Variants in SH3RF3 observed in about 807,000 individuals in gnomAD.
The protein encoded by SH3RF3 is SH3 domain containing ring finger 3.
A neutral mutation model predicts 66.3 loss-of-function variants in SH3RF3; 29 were observed. The ratio of observed to expected loss-of-function variants is 0.44; its 90% confidence interval spans 0.33 to 0.60. The LOEUF (loss-of-function observed/expected upper bound fraction) is 0.60, where lower values mean the gene tolerates loss of function less well. Among genes scored for constraint, SH3RF3 ranks in the 20% least tolerant of loss-of-function variants. SH3RF3 has a pLI of 0.04. For missense variants in SH3RF3, 1,194 were observed against 1,190.9 expected (o/e 1.00, Z -0.04); for synonymous variants, 583 against 532.0 (o/e 1.10, Z -1.32).
At chr2:109,196,685 G>C (rs1317041218) in intron 1 of SH3RF3, among the ~76,000 whole-genome samples, 1 of 152,174 alleles carries the variant, frequency 6.6e-6, no homozygotes, top group African/African-American at 2.4e-5. Context: ...TGAGGGGCTG[G>C]CTCTGTGAAT....
At chr2:109,411,166 C>T (rs981092025) in intron 4 of SH3RF3, among the ~76,000 whole-genome samples, 3 of 152,208 alleles carry the variant, frequency 2.0e-5, no homozygotes, top group Admixed American at 6.5e-5. Context: ...CAGCAACTCT[C>T]AACCTCGTTA....
At chr2:109,272,523 C>T (rs537195872) in intron 1 of SH3RF3, among the ~76,000 whole-genome samples, 11 of 152,172 alleles carry the variant, frequency 7.2e-5, no homozygotes, top group East Asian at 1.9e-4. Flanking sequence ...TCACAGGGGC[C>T]GAGTAGGGTG....
chr2:109,230,926 A>G (rs1189942500), intron 1 of SH3RF3, among the ~76,000 whole-genome samples: 2 of 152,244 alleles, frequency 1.3e-5, no homozygotes, highest in Non-Finnish European at 2.9e-5. Context: ...GGACAGCTCA[A>G]ACAGGAAGGC....
chr2:109,424,478 A>AT (rs11448369), intron 5 of SH3RF3, among the ~76,000 whole-genome samples: 88,894 of 152,026 alleles, frequency 0.58, 26,935 homozygotes, highest in African/African-American at 0.75. Flanking sequence ...CAGATACTGC[A>AT]TTTTTTTTAC....
At chr2:109,167,002 A>G (rs1278965499) in intron 1 of SH3RF3, among the ~76,000 whole-genome samples, 2 of 152,206 alleles carry the variant, frequency 1.3e-5, no homozygotes, top group Non-Finnish European at 2.9e-5. Flanking sequence ...AAGTAGCTTG[A>G]GCAATGCTAA....
intron 1 of SH3RF3, among the ~76,000 whole-genome samples, chr2:109,190,355 G>A (rs1678317115): frequency 6.6e-6 from 1 of 152,228 alleles, no homozygotes; most frequent in Non-Finnish European, 1.5e-5. Flanking sequence ...TGTACTTGTA[G>A]TAGAGATGGG....
rs148057926 is a variant in SH3RF3, at chr2:109,354,265, C to A, written c.849+6316C>A. On this transcript the variant is annotated intron_variant, in intron 2 of 9. Coordinates refer to ENST00000309415, the MANE Select transcript of SH3RF3 (RefSeq NM_001099289.3). ...CTGCCTGTGTCAGGCTGGGTCACTGCGGTGGAGCAGGCAGCCCATCACCCT... is the reference window on the plus strand; with the variant it reads ...CTGCCTGTGTCAGGCTGGGTCACTGAGGTGGAGCAGGCAGCCCATCACCCT... Among the ~76,000 whole-genome samples the A allele has an allele frequency of 5.9e-5, 9 of 152,304 alleles. No individual in the cohort carries two copies. The South Asian group carries it at 1.9e-3, about 32-fold the overall frequency.
At chr2:109,219,714 C>T (rs1375421579) in intron 1 of SH3RF3, among the ~76,000 whole-genome samples, 1 of 152,150 alleles carries the variant, frequency 6.6e-6, no homozygotes, top group African/African-American at 2.4e-5. Flanking sequence ...GAATAAAATA[C>T]TTGGGAATAA....
At chr2:109,347,096 T>C (rs1261566714) in intron 1 of SH3RF3, among the ~76,000 whole-genome samples, 1 of 152,212 alleles carries the variant, frequency 6.6e-6, no homozygotes, top group Non-Finnish European at 1.5e-5. Flanking sequence ...GCTGCTCAGC[T>C]TCAACCCCTG....
Position 109,393,594 on chromosome 2 carries a change from T to C in SH3RF3, c.946-4996T>C, listed in dbSNP as rs144873791. ...AAAAGAGTCATGTGTTGCCTTCTTG[T>C]TAAACTGTGAGCACTTGCCCTCCTG... On this transcript the variant is annotated intron_variant, in intron 3 of 9. Coordinates refer to ENST00000309415, the MANE Select transcript of SH3RF3 (RefSeq NM_001099289.3). Among the ~76,000 whole-genome samples, 182 of 152,196 alleles carry C rather than the reference T, an allele frequency of 1.2e-3. 1 individual carries two copies. Among genetic ancestry groups the C allele is most frequent in the Middle Eastern group, 6.8e-3 (2 of 294 alleles).
chr2:109,424,214 C>T (rs975177488), intron 5 of SH3RF3, among the ~76,000 whole-genome samples: 3 of 152,182 alleles, frequency 2.0e-5, no homozygotes, highest in Non-Finnish European at 4.4e-5. Flanking sequence ...GACAGCCCTG[C>T]GGAGTTTCCC....
rs1391630103 is a variant in SH3RF3 at position 109,129,386 on chromosome 2, G to A, written c.-155G>A. ...CGCAGGCCGGTCGGTGAGCCACTTC[G>A]CACCGCCACAGCCCTAGCATCGGGC... On this transcript the variant is annotated 5_prime_UTR_variant, in exon 1 of 10. Transcript: ENST00000309415. 4.7e-6 allele frequency: 6 copies of A among 1,283,888 alleles called. No individual in the cohort carries two copies. The African/African-American group carries it at 9.3e-5, about 20-fold the overall frequency. The allele number at this position is 1,283,888 out of a possible 1,614,324, so 79.5% of individuals were successfully genotyped here.
intron 1 of SH3RF3, among the ~76,000 whole-genome samples, chr2:109,224,513 G>A (rs1357021211): frequency 6.6e-6 from 1 of 152,182 alleles, no homozygotes; most frequent in Non-Finnish European, 1.5e-5. Flanking sequence ...CCAGCCACAG[G>A]TGACTACTGA....
chr2:109,236,773 G>A (rs914857718), intron 1 of SH3RF3, among the ~76,000 whole-genome samples: 1 of 152,172 alleles, frequency 6.6e-6, no homozygotes, highest in Non-Finnish European at 1.5e-5. Context: ...CCTGAAGTGA[G>A]GGGTGAGCCT....
chr2:109,265,045 C>T (rs2105301703), intron 1 of SH3RF3, among the ~76,000 whole-genome samples: 1 of 152,354 alleles, frequency 6.6e-6, no homozygotes, highest in Non-Finnish European at 1.5e-5. Flanking sequence ...CTCTTGTGGA[C>T]CGCAGTCTAA....
intron 4 of SH3RF3, among the ~76,000 whole-genome samples, chr2:109,417,578 C>A (rs1318022120): frequency 3.9e-5 from 6 of 152,196 alleles, no homozygotes; most frequent in African/African-American, 9.6e-5. Flanking sequence ...AGCCTCTGGA[C>A]ACCTGGCTCT....
rs1036681330 is a variant in SH3RF3, at chr2:109,351,474, A to G, written c.849+3525A>G. On this transcript the variant is annotated intron_variant, in intron 2 of 9. Coordinates refer to ENST00000309415, the MANE Select transcript of SH3RF3 (RefSeq NM_001099289.3). ...CTCCATTGTTTGAGCAGCTAACTCTATATTGTCTTACTCAGCTCACCTGCA... is the reference window on the plus strand; with the variant it reads ...CTCCATTGTTTGAGCAGCTAACTCTGTATTGTCTTACTCAGCTCACCTGCA... Among the ~76,000 whole-genome samples, 8 of 152,326 alleles carry G rather than the reference A, an allele frequency of 5.3e-5. No individual in the cohort carries two copies. In the South Asian group the frequency reaches 8.3e-4, roughly 16 times the overall value.
intron 4 of SH3RF3, among the ~76,000 whole-genome samples, chr2:109,402,371 G>T (rs1468315422): frequency 1.3e-5 from 2 of 152,274 alleles, no homozygotes; most frequent in African/African-American, 4.8e-5. Flanking sequence ...CCAGGCCCAG[G>T]ATTCTGTGGT....
chr2:109,149,693 A>G (rs1574475278), intron 1 of SH3RF3, among the ~76,000 whole-genome samples: 1 of 152,300 alleles, frequency 6.6e-6, no homozygotes, highest in African/African-American at 2.4e-5. Flanking sequence ...AGAGAGCAAG[A>G]TAGTCTGGCC....
Sources: gnomAD v4.1 joint callset for allele counts (sites outside exome capture counted in the v4.1 genomes callset) on GRCh38, gnomAD v4.1.1 for gene constraint, MANE v1.5 for transcripts, NCBI Gene and HGNC (gene_info 2026-07-23, HGNC 2026-07-21) for gene names.